SIL1: variants seen among roughly 807,000 people sequenced by gnomAD.
SIL1 encodes the protein nucleotide exchange factor SIL1.
In SIL1, 40 loss-of-function variants were observed where a neutral mutation model predicts 49.1. The observed-to-expected ratio is 0.81, with a 90% CI of 0.63 to 1.06. The LOEUF is 1.06. SIL1 is among the 50% of genes least tolerant of loss of function. The pLI, the probability that SIL1 is intolerant of heterozygous loss-of-function variation, is 0.00. For synonymous variants in SIL1, 253 were observed against 250.8 expected, an observed-to-expected ratio of 1.01 and a Z score of -0.08; for missense variants, 500 against 572.6, an observed-to-expected ratio of 0.87 and a Z score of 1.29.
At chr5:139,160,143 T>TCACA (rs57028301) in intron 1 of SIL1, among the ~76,000 whole-genome samples, 4,872 of 137,764 alleles carry the variant, frequency 0.035, 139 homozygotes, top group East Asian at 0.095. Flanking sequence ...ATTTCCACAA[T>TCACA]CACACACACA....
chr5:138,947,218 A>G lies in SIL1; in HGVS notation c.1285T>C (p.Tyr429His). The part of the protein sequence containing the change: ...GRTLASLQAE[Y>H]QVLASLELQD... ...AGCTCCAGGCTGGCCAGCACCTGGT[A>G]CTCAGCCTGCAGGCTGGCCAGTGTC... is the stretch of plus-strand genomic sequence containing the variant. Residue 429 changes from tyrosine (Y) to histidine (H), a missense_variant, in exon 10 of 10, where the codon TAC becomes CAC. By Grantham distance (83) the Tyr-to-His change is moderately conservative. Coordinates refer to ENST00000394817, the MANE Select transcript of SIL1 (RefSeq NM_022464.5). This position sits in a 1 kb window ranked among gnomAD's most constrained non-coding sequence, Gnocchi z 4.1. The G allele has an allele frequency of 6.2e-7, 1 of 1,613,102 alleles. No individual in the cohort carries two copies. The highest frequency in any genetic ancestry group is 8.5e-7 in the Non-Finnish European group (1 of 1,179,848).
chr5:138,978,852 T>A lies in SIL1; in HGVS notation c.768-26968A>T, dbSNP rs189171812. On this transcript the variant is annotated intron_variant, in intron 7 of 9. Coordinates refer to ENST00000394817, the MANE Select transcript of SIL1 (RefSeq NM_022464.5). ...GCTGTCCATTCAGATCCTTTGCCTA[T>A]TTTTTAATTGGGTTGTCTTTTTATT... 4.3e-3 allele frequency among the ~76,000 whole-genome samples: 653 copies of A among 152,274 alleles called. 10 individuals are homozygous for A. Among genetic ancestry groups the A allele is most frequent in the African/African-American group, 0.011 (442 of 41,550 alleles).
At chr5:139,061,060 T>A (rs967443405) in intron 3 of SIL1, among the ~76,000 whole-genome samples, 1 of 152,216 alleles carries the variant, frequency 6.6e-6, no homozygotes, top group Non-Finnish European at 1.5e-5. Context: ...GTATTCCACC[T>A]TAAATACAGA....
chr5:139,176,991 G>A (rs963937574), intron 1 of SIL1, among the ~76,000 whole-genome samples: 1 of 135,734 alleles, frequency 7.4e-6, no homozygotes, highest in African/African-American at 2.7e-5. Context: ...GGAGTGCAGT[G>A]ACGCAAGCTT....
In SIL1 at chr5:138,948,030, C is replaced by T. The variant is rs926908199; in HGVS notation, c.1030-557G>A. Among the ~76,000 whole-genome samples the T allele has an allele frequency of 3.9e-5, 6 of 152,226 alleles. No individual in the cohort carries two copies. The highest frequency in any genetic ancestry group is 1.4e-4 in the African/African-American group (6 of 41,460). On this transcript the variant is annotated intron_variant, in intron 9 of 9. Coordinates refer to ENST00000394817, the MANE Select transcript of SIL1 (RefSeq NM_022464.5). This position sits in a 1 kb window ranked among gnomAD's most constrained non-coding sequence, Gnocchi z 4.8. ...GAACCATGACAAGCAGGCAGGTTACCTGAAGGTCAGAGGTAGAGGGTTGGG... is the reference window on the plus strand; with the variant it reads ...GAACCATGACAAGCAGGCAGGTTACTTGAAGGTCAGAGGTAGAGGGTTGGG...
At chr5:139,026,438 T>C (rs893445543) in intron 6 of SIL1, among the ~76,000 whole-genome samples, 6 of 151,938 alleles carry the variant, frequency 3.9e-5, no homozygotes, top group Non-Finnish European at 7.4e-5. Context: ...CCTATCTCTA[T>C]CAAAAATACA....
chr5:138,949,332 G>A (rs576850922), intron 9 of SIL1, among the ~76,000 whole-genome samples: 1 of 152,242 alleles, frequency 6.6e-6, no homozygotes, highest in South Asian at 2.1e-4. Context: ...CTGGGGCCTG[G>A]CAGACCCCAG....
At chr5:139,039,948 T>G (rs970700780) in intron 5 of SIL1, among the ~76,000 whole-genome samples, 19 of 152,146 alleles carry the variant, frequency 1.2e-4, no homozygotes, top group African/African-American at 4.6e-4. Flanking sequence ...AAAGACTGAT[T>G]CACTTAAACC....
intron 7 of SIL1, among the ~76,000 whole-genome samples, chr5:139,001,733 C>T (rs756970971): frequency 3.3e-5 from 5 of 151,720 alleles, no homozygotes; most frequent in Admixed American, 6.6e-5. Flanking sequence ...AGTGAAACCC[C>T]GTCTCTACTA....
intron 1 of SIL1, chr5:139,131,451 C>T (rs1465593066): frequency 6.6e-6 from 1 of 152,224 alleles, no homozygotes; most frequent in African/African-American, 2.4e-5. Context: ...GAAACTTTCC[C>T]TAAGGACATC....
At position 138,947,016 on chromosome 5, in the gene SIL1, A is replaced by C; in HGVS notation, c.*101T>G. 1.1e-6 allele frequency: 1 copy of C among 897,514 alleles called. No homozygotes were observed. Among genetic ancestry groups the C allele is most frequent in the South Asian group, 1.4e-5 (1 of 70,618 alleles). The allele number at this position is 897,514 out of a possible 1,614,324, so 55.6% of individuals were successfully genotyped here. On this transcript the variant is annotated 3_prime_UTR_variant, in exon 10 of 10. Coordinates refer to ENST00000394817, the MANE Select transcript of SIL1 (RefSeq NM_022464.5). The surrounding 1 kb of genome is among the most constrained non-coding windows in gnomAD (Gnocchi z 4.1). Reference sequence around the variant, plus strand: ...GCCTTCAGGTTTCCATTTAATGGCCAAGCCAGCACTGCCAAGATGTCCTCC... The same window carrying C: ...GCCTTCAGGTTTCCATTTAATGGCCCAGCCAGCACTGCCAAGATGTCCTCC...
intron 6 of SIL1, chr5:139,022,305 C>T: frequency 6.6e-6 from 1 of 152,236 alleles, no homozygotes; most frequent in East Asian, 1.9e-4. Context: ...CCAACTGCAT[C>T]CTTGCCTCTC....
At chr5:139,037,053 C>T (rs1271790979) in intron 5 of SIL1, among the ~76,000 whole-genome samples, 4 of 151,602 alleles carry the variant, frequency 2.6e-5, no homozygotes, top group Admixed American at 6.6e-5. Context: ...TAATTTTCCT[C>T]TCTCTAAAAG....
At chr5:139,167,849 A>T (rs1307014451) in intron 1 of SIL1, among the ~76,000 whole-genome samples, 1 of 151,702 alleles carries the variant, frequency 6.6e-6, no homozygotes, top group East Asian at 1.9e-4. Context: ...ACTACTTTTT[A>T]TTTTTTCTCT....
chr5:139,155,147 G>A (rs932795741), intron 1 of SIL1, among the ~76,000 whole-genome samples: 2 of 152,270 alleles, frequency 1.3e-5, no homozygotes, highest in African/African-American at 4.8e-5. Context: ...AGGAAAGCAG[G>A]AACATAAACT....
intron 3 of SIL1, among the ~76,000 whole-genome samples, chr5:139,076,926 G>A (rs767854251): frequency 8.5e-5 from 13 of 152,072 alleles, no homozygotes; most frequent in Non-Finnish European, 1.3e-4. Flanking sequence ...GTCAGGAGAG[G>A]AGATAAGACC....
intron 1 of SIL1, among the ~76,000 whole-genome samples, chr5:139,182,170 C>A (rs1751996181): frequency 6.6e-6 from 1 of 152,198 alleles, no homozygotes; most frequent in South Asian, 2.1e-4. Context: ...CAACACGCTG[C>A]TCTCATTGCT....
intron 5 of SIL1, among the ~76,000 whole-genome samples, chr5:139,029,012 A>G (rs1463501498): frequency 6.6e-6 from 1 of 152,242 alleles, no homozygotes; most frequent in Non-Finnish European, 1.5e-5. Context: ...ACAGTGGTTC[A>G]TGCCTGTAAT....
At chr5:139,167,931 C>G (rs1751657631) in intron 1 of SIL1, among the ~76,000 whole-genome samples, 1 of 152,214 alleles carries the variant, frequency 6.6e-6, no homozygotes, top group Admixed American at 6.5e-5. Context: ...ATCCTCCTAC[C>G]TCAGCCTCCC....
Sources: allele counts gnomAD v4.1 joint callset (sites outside exome capture counted in the v4.1 genomes callset), GRCh38; gene constraint gnomAD v4.1.1; non-coding constraint Gnocchi (gnomAD v3.1); transcripts MANE v1.5; gene names NCBI Gene and HGNC (gene_info 2026-07-23, HGNC 2026-07-21).